FAM167A: variants seen among roughly 807,000 people sequenced by gnomAD.
FAM167A encodes protein FAM167A.
FAM167A carries 23 observed loss-of-function variants against 14.9 expected under a neutral mutation model. The ratio of observed to expected loss-of-function variants is 1.55; its 90% CI spans 1.11 to 2.19. FAM167A has a LOEUF of 2.19. Ranked by LOEUF, FAM167A falls within the 30% of genes most tolerant of loss-of-function variation. The pLI, the probability that FAM167A is intolerant of heterozygous loss-of-function variation, is 0.00. For missense variants in FAM167A, 401 were observed against 281.5 expected (o/e 1.42, Z -3.04); for synonymous variants, 174 against 117.7 (o/e 1.48, Z -3.10).
At chr8:11,440,876 A>G (rs9693089) in intron 2 of FAM167A, among the ~76,000 whole-genome samples, 103,793 of 152,168 alleles carry the variant, frequency 0.68, 35,654 homozygotes, top group African/African-American at 0.77. Flanking sequence ...TTTTAAAGGT[A>G]CCTTCAATGA....
chr8:11,465,479 T>C (rs1302462879), intron 1 of FAM167A, among the ~76,000 whole-genome samples: 3 of 152,222 alleles, frequency 2.0e-5, no homozygotes, highest in South Asian at 2.1e-4. Flanking sequence ...GCGAAGGGTT[T>C]CTAAGTAGTG....
intron 2 of FAM167A, among the ~76,000 whole-genome samples, chr8:11,425,825 A>C (rs1324057110): frequency 6.6e-6 from 1 of 152,166 alleles, no homozygotes; most frequent in Admixed American, 6.5e-5. Context: ...GAAGAAAATA[A>C]AAATATTTTA....
intron 1 of FAM167A, among the ~76,000 whole-genome samples, chr8:11,450,617 A>G (rs567315184): frequency 6.6e-6 from 1 of 152,266 alleles, no homozygotes; most frequent in Non-Finnish European, 1.5e-5. Flanking sequence ...CAGACTCTCA[A>G]CTTCAGGACG....
intron 2 of FAM167A, among the ~76,000 whole-genome samples, chr8:11,432,931 G>A (rs571806841): frequency 1.3e-5 from 2 of 152,272 alleles, no homozygotes; most frequent in African/African-American, 4.8e-5. Flanking sequence ...GATGGAAGCT[G>A]GAAACCATCA....
At chr8:11,456,117 TGG>T (rs1807273441) in intron 1 of FAM167A, among the ~76,000 whole-genome samples, 1 of 27,480 alleles carries the variant, frequency 3.6e-5, no homozygotes, top group East Asian at 1.1e-3. Context: ...TGTGTGAATG[TGG>T]GAGGTGGTTG....
intron 2 of FAM167A, among the ~76,000 whole-genome samples, chr8:11,434,356 A>AG (rs1805844740): frequency 6.6e-6 from 1 of 151,942 alleles, no homozygotes; most frequent in Non-Finnish European, 1.5e-5. Context: ...TGTGGATGGG[A>AG]GGGGGGCAGG....
chr8:11,465,663 C>T (rs1345201404), intron 1 of FAM167A, among the ~76,000 whole-genome samples: 1 of 152,244 alleles, frequency 6.6e-6, no homozygotes, highest in Admixed American at 6.5e-5. Context: ...TTTGTCCACG[C>T]TCTCCACGCT....
chr8:11,432,510 A>T (rs149989226), intron 2 of FAM167A, among the ~76,000 whole-genome samples: 29 of 152,362 alleles, frequency 1.9e-4, no homozygotes, highest in African/African-American at 5.8e-4. Context: ...AATCAAAATC[A>T]CAAGGAGATA....
In FAM167A at chr8:11,423,544, G is replaced by T. The variant is rs182541253; in HGVS notation, c.*829C>A. On this transcript the variant is annotated 3_prime_UTR_variant, in exon 3 of 3. Transcript: ENST00000284486. ...AGGCCCCGGTCACGCCCCTGCAGGA[G>T]AATTCAGTTATGGAAAATGCTTTCA... 1 of 152,446 alleles carries T rather than the reference G, an allele frequency of 6.6e-6. No homozygotes were observed. Among genetic ancestry groups the T allele is most frequent in the Admixed American group, 6.5e-5 (1 of 15,300 alleles). The allele number at this position is 152,446 out of a possible 1,614,324, so 9.4% of individuals were successfully genotyped here.
intron 1 of FAM167A, among the ~76,000 whole-genome samples, chr8:11,473,416 G>T (rs59820494): frequency 0.015 from 2,282 of 152,230 alleles, 74 homozygotes; most frequent in African/African-American, 0.052. Context: ...ACCAGTGCTG[G>T]GGGGGATTTT....
chr8:11,441,651 C>T (rs1806445407), intron 2 of FAM167A, among the ~76,000 whole-genome samples: 1 of 152,182 alleles, frequency 6.6e-6, no homozygotes, highest in Admixed American at 6.5e-5. Flanking sequence ...GAGTTCCAGC[C>T]CCGGCTCTGT....
Position 11,430,381 on chromosome 8 carries a change from T to C in FAM167A, c.382-5745A>G, listed in dbSNP as rs546940762. On this transcript the variant is annotated intron_variant, in intron 2 of 2. Coordinates refer to ENST00000284486, the MANE Select transcript of FAM167A (RefSeq NM_053279.3). ...AAACAGCTGTGCTTGTGATCTGTAC[T>C]ACAGATGTTTGTTTTTTTGGGGGCA... 2.3e-3 allele frequency among the ~76,000 whole-genome samples: 354 copies of C among 152,338 alleles called. 5 individuals are homozygous for C. Among genetic ancestry groups the C allele is most frequent in the Middle Eastern group, 6.8e-3 (2 of 294 alleles).
intron 1 of FAM167A, among the ~76,000 whole-genome samples, chr8:11,464,687 C>T (rs1807683147): frequency 6.6e-6 from 1 of 152,238 alleles, no homozygotes; most frequent in Admixed American, 6.5e-5. Context: ...TTGCAAGCAG[C>T]TCAAGTCCCT....
At chr8:11,441,582 T>C (rs1485158244) in intron 2 of FAM167A, among the ~76,000 whole-genome samples, 1 of 152,170 alleles carries the variant, frequency 6.6e-6, no homozygotes, top group Non-Finnish European at 1.5e-5. Context: ...ACCCTCTGCG[T>C]TGGGCCACCT....
intron 2 of FAM167A, among the ~76,000 whole-genome samples, chr8:11,427,532 G>A (rs563756611): frequency 6.6e-6 from 1 of 152,178 alleles, no homozygotes; most frequent in African/African-American, 2.4e-5. Flanking sequence ...AATGAGCCCT[G>A]AGATGCCCTG....
At chr8:11,441,107 T>A (rs1806408447) in intron 2 of FAM167A, among the ~76,000 whole-genome samples, 1 of 152,172 alleles carries the variant, frequency 6.6e-6, no homozygotes, top group South Asian at 2.1e-4. Flanking sequence ...ACTTTGGGCC[T>A]CAGAGTCGCA....
Position 11,422,086 on chromosome 8 carries a change from A to C in FAM167A, c.*2287T>G. On this transcript the variant is annotated 3_prime_UTR_variant, in exon 3 of 3. Transcript: ENST00000284486. ...AGCTCAGACATTTAACTTATCCCCAAACATGTGTCTTGATCTTAGTTTCCA... is the reference window on the plus strand; with the variant it reads ...AGCTCAGACATTTAACTTATCCCCACACATGTGTCTTGATCTTAGTTTCCA... 5.8e-6 allele frequency: 2 copies of C among 344,644 alleles called. No homozygotes were observed. The highest frequency in any genetic ancestry group is 1.0e-5 in the Non-Finnish European group (2 of 192,818). The allele number at this position is 344,644 out of a possible 1,614,324, so 21.3% of individuals were successfully genotyped here. A position where few individuals can be genotyped will look rare whatever the true frequency, so the allele number is the denominator to read the frequency against.
intron 2 of FAM167A, among the ~76,000 whole-genome samples, chr8:11,427,831 A>G (rs1805286975): frequency 6.6e-6 from 1 of 152,232 alleles, no homozygotes; most frequent in African/African-American, 2.4e-5. Context: ...TTGGGCCTCA[A>G]GCATTGAAGA....
upstream of FAM167A, chr8:11,466,851 C>G (rs1478192146): frequency 6.6e-6 from 1 of 152,242 alleles, no homozygotes; most frequent in East Asian, 1.9e-4. Flanking sequence ...AGCCTTTCAC[C>G]GCGATCCCGG....
Sources: gnomAD v4.1 joint callset for allele counts (sites outside exome capture counted in the v4.1 genomes callset) on GRCh38, gnomAD v4.1.1 for gene constraint, MANE v1.5 for transcripts, NCBI Gene and HGNC (gene_info 2026-07-23, HGNC 2026-07-21) for gene names.